GLE1: variants seen among roughly 807,000 people sequenced by gnomAD.
GLE1 encodes the protein GLE1 RNA export mediator, also known as mRNA export factor GLE1.
GLE1 carries 78 observed loss-of-function variants against 97.3 expected under a neutral mutation model. The observed-to-expected ratio is 0.80, with a 90% CI of 0.67 to 0.97. The LOEUF is 0.97. Among genes scored for constraint, GLE1 ranks in the 50% least tolerant of loss-of-function variants. The pLI is 0.00. For missense variants in GLE1, 753 were observed against 857.5 expected (o/e 0.88, Z 1.52); for synonymous variants, 302 against 313.4 (o/e 0.96, Z 0.39).
chr9:128,511,300 TTTGTTG>T (rs769399461), intron 2 of GLE1, among the ~76,000 whole-genome samples: 10 of 149,494 alleles, frequency 6.7e-5, no homozygotes, highest in African/African-American at 2.4e-4. Context: ...TTATGTTGAT[TTTGTTG>T]TTGTTGTTGT....
chr9:128,517,733 A>G lies in GLE1; in HGVS notation c.432+2094A>G, dbSNP rs143704843. ...TTGTTTTGTTTTCTAGAAGATTTCT[A>G]TATTTTATTCTCCACCTGTTGATTG... is the stretch of plus-strand genomic sequence containing the variant. On this transcript the variant is annotated intron_variant, in intron 3 of 15. Coordinates refer to ENST00000309971, the MANE Select transcript of GLE1 (RefSeq NM_001003722.2). 4.1e-4 allele frequency among the ~76,000 whole-genome samples: 63 copies of G among 152,184 alleles called. 2 individuals are homozygous for G. The East Asian group carries it at 9.6e-3, about 23-fold the overall frequency.
intron 1 of GLE1, 35 bp from the exon 2 acceptor site, chr9:128,508,841 G>A (rs368997996): frequency 1.2e-5 from 14 of 1,181,510 alleles, no homozygotes; most frequent in African/African-American, 9.0e-5. Context: ...AACAGTTGAC[G>A]TGTAAGTTGA....
At position 128,523,659 on chromosome 9, in the gene GLE1, G is replaced by C; in HGVS notation, c.710G>C (p.Arg237Pro). ...AAGCAAGCAGAACAGGAGCGGCTTC[G>C]GAAGGAAGAAGGCCAGATCCGCCTG... is the stretch of plus-strand genomic sequence containing the variant. ...RVKQAEQERLRKEEGQIRLRA... is the reference protein window; with the variant it reads ...RVKQAEQERLPKEEGQIRLRA... Residue 237 changes from arginine to proline, a missense_variant, in exon 6 of 16, where the codon CGG becomes CCG. Physicochemically the swap from Arg to Pro is moderately radical, Grantham distance 103. Transcript: ENST00000309971. 1 of 1,614,098 alleles carries C rather than the reference G, an allele frequency of 6.2e-7. No homozygotes were observed. Among genetic ancestry groups the C allele is most frequent in the Non-Finnish European group, 8.5e-7 (1 of 1,180,014 alleles).
chr9:128,509,031 TCCCAAATCTCCTGAC>T lies in GLE1; in HGVS notation c.256_270del (p.Pro86_Asp90del). The T allele has an allele frequency of 6.2e-7, 1 of 1,613,910 alleles. No individual in the cohort carries two copies. The highest frequency in any genetic ancestry group is 8.5e-7 in the Non-Finnish European group (1 of 1,179,820). ...CAGCCCTAGATCAACCCTCATTTGT[TCCCAAATCTCCTGAC>T]GCAAGCTCTGCCTTTTCCCCAGCCT... On this transcript the variant is annotated inframe_deletion, in exon 2 of 16. Transcript: ENST00000309971.
intron 3 of GLE1, among the ~76,000 whole-genome samples, chr9:128,520,668 GCATCGTCTGCTTCTCACACA>G (rs2132447880): frequency 6.6e-6 from 1 of 151,634 alleles, no homozygotes; most frequent in Admixed American, 6.6e-5. Context: ...CTCCCGTGAG[GCATCGTCTGCTTCTCACACA>G]CATCGTGTGT....
chr9:128,526,579 G>A (rs902716833), intron 7 of GLE1, among the ~76,000 whole-genome samples: 2 of 152,048 alleles, frequency 1.3e-5, no homozygotes, highest in East Asian at 1.9e-4. Context: ...GGCTGGTTTC[G>A]AACTCCCGAC....
intron 7 of GLE1, among the ~76,000 whole-genome samples, chr9:128,526,784 C>T (rs1363754613): frequency 6.6e-6 from 1 of 152,116 alleles, no homozygotes; most frequent in African/African-American, 2.4e-5. Context: ...ATCCTCCCCA[C>T]TCAGCCTCCC....
At chr9:128,528,246 C>T (rs1412868851) in intron 9 of GLE1, among the ~76,000 whole-genome samples, 8 of 151,728 alleles carry the variant, frequency 5.3e-5, no homozygotes, top group East Asian at 2.0e-4. Context: ...CCTGGTGATC[C>T]ACCTGCCTCG....
Position 128,525,439 on chromosome 9 carries a change from G to A in GLE1, c.1129+16G>A, listed in dbSNP as rs1414107927. On this transcript the variant is annotated intron_variant, in intron 7 of 15. Coordinates refer to ENST00000309971, the MANE Select transcript of GLE1 (RefSeq NM_001003722.2). ...CAGAATGAAGGTGGGTTTCAGTATG[G>A]ATGTGGTCCTTTAACTCGTAAGTTT... The A allele has an allele frequency of 4.9e-6, 7 of 1,433,712 alleles. No homozygotes were observed. Among genetic ancestry groups the A allele is most frequent in the East Asian group, 4.7e-5 (2 of 42,428 alleles). The allele number at this position is 1,433,712 out of a possible 1,614,324, so 88.8% of individuals were successfully genotyped here.
Position 128,527,526 on chromosome 9 carries a change from G to T in GLE1, c.1312+1G>T. 1 of 1,591,566 alleles carries T rather than the reference G, an allele frequency of 6.3e-7. No individual in the cohort carries two copies. The highest frequency in any genetic ancestry group is 1.3e-5 in the African/African-American group (1 of 74,566). On this transcript the variant is annotated splice_donor_variant, in intron 9 of 15. Transcript: ENST00000309971. LOFTEE classifies it high-confidence loss of function. ...GTGAGCCAAATCTCTACCATTGCAG[G>T]TTGGTCAGAGGGGTTGAGAACATGA...
chr9:128,538,875 T>C (rs1847804452), intron 13 of GLE1, among the ~76,000 whole-genome samples: 1 of 152,146 alleles, frequency 6.6e-6, no homozygotes, highest in South Asian at 2.1e-4. Context: ...AGACACTTCT[T>C]ATAGAAGAAA....
At chr9:128,521,304 T>C (rs1262961919) in intron 3 of GLE1, among the ~76,000 whole-genome samples, 1 of 152,096 alleles carries the variant, frequency 6.6e-6, no homozygotes, top group African/African-American at 2.4e-5. Flanking sequence ...GAGGCCAAAG[T>C]GGGAGGATAG....
chr9:128,510,133 C>T (rs1286241890), intron 2 of GLE1, among the ~76,000 whole-genome samples: 1 of 152,140 alleles, frequency 6.6e-6, no homozygotes, highest in Non-Finnish European at 1.5e-5. Flanking sequence ...ACATGGCTCA[C>T]TGCAGCCTCC....
Position 128,525,189 on chromosome 9 carries a change from C to T in GLE1, c.898-3C>T. 6.2e-7 allele frequency: 1 copy of T among 1,610,958 alleles called. No individual in the cohort carries two copies. The highest frequency in any genetic ancestry group is 8.5e-7 in the Non-Finnish European group (1 of 1,177,144). ...CTAAGCACCATCTCCGTCACTCTGA[C>T]AGAGCAGCTATCCCACAGCAGAGAG... On this transcript the variant is annotated splice_region_variant and splice_polypyrimidine_tract_variant and intron_variant, in intron 6 of 15. Coordinates refer to ENST00000309971, the MANE Select transcript of GLE1 (RefSeq NM_001003722.2).
intron 9 of GLE1, among the ~76,000 whole-genome samples, chr9:128,530,631 C>T (rs971587349): frequency 2.0e-5 from 3 of 152,032 alleles, no homozygotes; most frequent in Admixed American, 6.6e-5. Flanking sequence ...AAAGGTGGGC[C>T]GGGCGCGGTG....
intron 4 of GLE1, 23 bp from the exon 5 acceptor site, chr9:128,523,257 C>T (rs1411930831): frequency 4.5e-6 from 7 of 1,572,586 alleles, no homozygotes; most frequent in Non-Finnish European, 6.1e-6. Flanking sequence ...CCTGACTATT[C>T]CTCCCTGCCA....
chr9:128,537,905 G>C, intron 12 of GLE1, 81 bp from the exon 13 acceptor site: 1 of 806,550 alleles, frequency 1.2e-6, no homozygotes, highest in Non-Finnish European at 2.2e-6. Flanking sequence ...ATTTCCACTT[G>C]GTAATGGCTG....
intron 2 of GLE1, among the ~76,000 whole-genome samples, chr9:128,510,474 A>C (rs1386476875): frequency 1.5e-5 from 2 of 137,226 alleles, no homozygotes; most frequent in African/African-American, 2.8e-5. Flanking sequence ...TGATCTGCCC[A>C]CCTCGGCCTC....
chr9:128,531,786 C>G (rs997383426), intron 9 of GLE1, among the ~76,000 whole-genome samples: 1 of 139,324 alleles, frequency 7.2e-6, no homozygotes, highest in African/African-American at 2.7e-5. Flanking sequence ...GAGGTGACAT[C>G]GAACCACTGC....
Sources: gnomAD v4.1 joint callset for allele counts (sites outside exome capture counted in the v4.1 genomes callset) on GRCh38, gnomAD v4.1.1 for gene constraint, MANE v1.5 for transcripts, NCBI Gene and HGNC (gene_info 2026-07-23, HGNC 2026-07-21) for gene names.